The following SUGCT variants were observed in gnomAD, a reference collection of about 807,000 sequenced individuals.
The protein encoded by SUGCT is succinyl-CoA:glutarate CoA-transferase.
SUGCT carries 41 observed loss-of-function variants against 55.0 expected under a neutral mutation model. The observed-to-expected ratio is 0.74, with a 90% CI of 0.58 to 0.97. The LOEUF (loss-of-function observed/expected upper bound fraction) is 0.97. Among genes scored for constraint, SUGCT ranks in the 50% least tolerant of loss-of-function variants. SUGCT has a pLI of 0.00. For missense variants in SUGCT, 568 were observed against 547.8 expected (o/e 1.04, Z -0.37); for synonymous variants, 187 against 200.4 (o/e 0.93, Z 0.56).
the SUGCT span, among the ~76,000 whole-genome samples, chr7:41,023,838 T>C: frequency 6.6e-6 from 1 of 152,162 alleles, no homozygotes; most frequent in South Asian, 2.1e-4. Context: ...TAGGAAGTGA[T>C]TGTTGAAAAA....
At chr7:40,940,149 A>G in the SUGCT span, among the ~76,000 whole-genome samples, 7 of 152,036 alleles carry the variant, frequency 4.6e-5, no homozygotes, top group African/African-American at 1.7e-4. Context: ...TCCCCAATTT[A>G]TGTTTTTGTA....
At chr7:40,957,520 C>A in the SUGCT span, among the ~76,000 whole-genome samples, 1 of 138,014 alleles carries the variant, frequency 7.2e-6, no homozygotes, top group Non-Finnish European at 1.5e-5. Context: ...TTATTTTCAG[C>A]CTATGTGTGT....
At position 40,272,141 on chromosome 7, in the gene SUGCT, CATATATATATATATATATATATATAT is replaced by C. The variant is rs58480323; in HGVS notation, c.577-2344_577-2319del. On this transcript the variant is annotated intron_variant, in intron 7 of 13. Transcript: ENST00000335693. Reference sequence around the variant, plus strand: ...TGTTTCAAAAACAACTGCAATGTGACATATATATATATATATATATATATATATATATATATATATATATATATATA... The same window carrying C: ...TGTTTCAAAAACAACTGCAATGTGACATATATATATATATATATATATATA... Among the ~76,000 whole-genome samples, 72 of 46,748 alleles carry C rather than the reference CATATATATATATATATATATATATAT, an allele frequency of 1.5e-3. 3 individuals carry two copies. Among genetic ancestry groups the C allele is most frequent in the Admixed American group, 4.3e-3 (13 of 3,048 alleles). 30.7% of individuals were successfully genotyped at this position (46,748 alleles called of 152,430 possible).
At chr7:40,372,613 C>T (rs984726671) in intron 9 of SUGCT, among the ~76,000 whole-genome samples, 1 of 151,940 alleles carries the variant, frequency 6.6e-6, no homozygotes, top group African/African-American at 2.4e-5. Context: ...AAAACACCAT[C>T]CCAATGTTGT....
the SUGCT span, among the ~76,000 whole-genome samples, chr7:40,898,694 G>A: frequency 1.3e-5 from 2 of 151,168 alleles, no homozygotes; most frequent in African/African-American, 2.4e-5. Context: ...GCGAGACTCC[G>A]TCTAAAAAAA....
chr7:40,313,747 GTT>G (rs367545331), intron 8 of SUGCT, among the ~76,000 whole-genome samples: 3 of 140,524 alleles, frequency 2.1e-5, no homozygotes, highest in Admixed American at 1.4e-4. Context: ...CCCCCCATCT[GTT>G]TTTTTTTTTT....
intron 13 of SUGCT, among the ~76,000 whole-genome samples, chr7:40,814,557 A>AT (rs199748013): frequency 0.029 from 4,353 of 148,514 alleles, 200 homozygotes; most frequent in East Asian, 0.097. Context: ...GCTCTGTTTG[A>AT]TTTTTTTTTT....
chr7:40,719,059 T>A (rs1475273359), intron 12 of SUGCT, among the ~76,000 whole-genome samples: 2 of 152,232 alleles, frequency 1.3e-5, no homozygotes, highest in African/African-American at 4.8e-5. Context: ...CTCTTCATTG[T>A]CCTTAAGATA....
intron 12 of SUGCT, among the ~76,000 whole-genome samples, chr7:40,695,921 G>A (rs1476523639): frequency 6.6e-6 from 1 of 152,168 alleles, no homozygotes; most frequent in East Asian, 1.9e-4. Flanking sequence ...TTAAGGAGAT[G>A]ATGAAACTGA....
At chr7:40,413,702 A>T (rs1463076697) in intron 9 of SUGCT, among the ~76,000 whole-genome samples, 1 of 152,188 alleles carries the variant, frequency 6.6e-6, no homozygotes, top group East Asian at 1.9e-4. Flanking sequence ...ATGTATAATG[A>T]ATTTTTACAA....
intron 9 of SUGCT, among the ~76,000 whole-genome samples, chr7:40,427,812 T>C (rs1329490223): frequency 6.6e-6 from 1 of 152,050 alleles, no homozygotes; most frequent in East Asian, 1.9e-4. Context: ...GGGAGTGATA[T>C]GGTTTGGATA....
intron 12 of SUGCT, among the ~76,000 whole-genome samples, chr7:40,501,719 C>T (rs763396564): frequency 1.3e-5 from 2 of 151,898 alleles, no homozygotes; most frequent in African/African-American, 2.4e-5. Flanking sequence ...AGGAATGGTA[C>T]GATGGTAGAA....
intron 9 of SUGCT, among the ~76,000 whole-genome samples, chr7:40,333,758 C>CT (rs1259114827): frequency 1.8e-5 from 1 of 55,456 alleles, no homozygotes; most frequent in Non-Finnish European, 3.1e-5. Context: ...CGACCAGTGG[C>CT]TCTTTTTTTT....
At chr7:40,696,128 C>T (rs1256406990) in intron 12 of SUGCT, among the ~76,000 whole-genome samples, 1 of 152,226 alleles carries the variant, frequency 6.6e-6, no homozygotes, top group Non-Finnish European at 1.5e-5. Flanking sequence ...CACCTGTATG[C>T]ACCCATGTCC....
At chr7:40,521,827 A>G (rs938430514) in intron 12 of SUGCT, among the ~76,000 whole-genome samples, 1 of 152,108 alleles carries the variant, frequency 6.6e-6, no homozygotes, top group Non-Finnish European at 1.5e-5. Flanking sequence ...ATTTGCGCTA[A>G]TAATAGTTGC....
At chr7:40,345,539 A>G (rs1428726903) in intron 9 of SUGCT, among the ~76,000 whole-genome samples, 1 of 152,130 alleles carries the variant, frequency 6.6e-6, no homozygotes, top group African/African-American at 2.4e-5. Context: ...GTTCTAATAC[A>G]TTCTTTGTTA....
chr7:40,552,177 C>T (rs753220977), intron 12 of SUGCT, among the ~76,000 whole-genome samples: 2 of 152,050 alleles, frequency 1.3e-5, no homozygotes, highest in Non-Finnish European at 2.9e-5. Context: ...AAGGGACAGG[C>T]GGTGGTTTAG....
intron 12 of SUGCT, among the ~76,000 whole-genome samples, chr7:40,497,309 T>G (rs574624643): frequency 6.6e-5 from 10 of 152,286 alleles, no homozygotes; most frequent in African/African-American, 2.4e-4. Context: ...TTGGAAAACC[T>G]TTGGTGCCTT....
chr7:40,705,803 C>T (rs1584307077), intron 12 of SUGCT, among the ~76,000 whole-genome samples: 1 of 152,184 alleles, frequency 6.6e-6, no homozygotes, highest in East Asian at 1.9e-4. Context: ...GGGAAAACAG[C>T]ACCATCTTCT....
Sources: gnomAD v4.1 joint callset for allele counts (sites outside exome capture counted in the v4.1 genomes callset) on GRCh38, gnomAD v4.1.1 for gene constraint, MANE v1.5 for transcripts, NCBI Gene and HGNC (gene_info 2026-07-23, HGNC 2026-07-21) for gene names.